The following GALNT11 variants were observed in gnomAD, a reference collection of about 807,000 sequenced individuals.
GALNT11 encodes the protein UDP-GalNAc:polypeptide N-acetylgalactosaminyltransferase 11.
Under a neutral mutation model 72.7 loss-of-function variants are expected in GALNT11, and 47 were observed. The ratio of observed to expected loss-of-function variants is 0.65; its 90% CI spans 0.51 to 0.82. The LOEUF is 0.82. Ranked by LOEUF, GALNT11 falls within the 40% of genes least tolerant of loss-of-function variation. The pLI, the probability that GALNT11 is intolerant of heterozygous loss-of-function variation, is 0.00. For missense variants in GALNT11, 677 were observed against 778.4 expected (o/e 0.87, Z 1.55); for synonymous variants, 270 against 286.6 (o/e 0.94, Z 0.58).
chr7:152,119,112 A>G (rs2089181775), intron 10 of GALNT11: 1 of 181,318 alleles, frequency 5.5e-6, no homozygotes, highest in Non-Finnish European at 1.1e-5. Flanking sequence ...GCTCGTCGTC[A>G]TAGAGCATTT....
Position 152,105,299 on chromosome 7 carries a change from T to C in GALNT11, c.641T>C (p.Ile214Thr). ...EYVQKYLPGKIKVIRNTKREG... is the reference protein window; with the variant it reads ...EYVQKYLPGKTKVIRNTKREG... Reference sequence around the variant, plus strand: ...GTCCAAAAATACCTCCCTGGAAAAATTAAAGTCATAAGAAATACAAAGCGT... The same window carrying C: ...GTCCAAAAATACCTCCCTGGAAAAACTAAAGTCATAAGAAATACAAAGCGT... The change falls in exon 5 of 12, where the codon ATT becomes ACT. Residue 214 changes from isoleucine (I) to threonine (T), a missense_variant. Coordinates refer to ENST00000430044, the MANE Select transcript of GALNT11 (RefSeq NM_022087.4). The C allele has an allele frequency of 3.1e-6, 5 of 1,613,886 alleles. No homozygotes were observed. Among genetic ancestry groups the C allele is most frequent in the Non-Finnish European group, 4.2e-6 (5 of 1,179,936 alleles).
At position 152,121,895 on chromosome 7, in the gene GALNT11, G is replaced by A. The variant is rs980027801; in HGVS notation, c.*218G>A. 1.4e-5 allele frequency: 7 copies of A among 488,160 alleles called. No individual in the cohort carries two copies. In the East Asian group the frequency reaches 2.0e-4, roughly 14 times the overall value. 30.2% of individuals were successfully genotyped at this position (488,160 alleles called of 1,614,324 possible). On this transcript the variant is annotated 3_prime_UTR_variant, in exon 12 of 12. Coordinates refer to ENST00000430044, the MANE Select transcript of GALNT11 (RefSeq NM_022087.4). ...CACGGGTGAAGAAGTGAGTGTCCAC[G>A]GGTGAAGAAGTGAGTATGTTTCACC...
chr7:152,105,317 C>A lies in GALNT11; in HGVS notation c.659C>A (p.Thr220Lys). Residue 220 changes from threonine to lysine, a missense_variant, in exon 5 of 12, where the codon ACA becomes AAA. Transcript: ENST00000430044. ...LPGKIKVIRN[T>K]KREGLIRGRM... Reference sequence around the variant, plus strand: ...GGAAAAATTAAAGTCATAAGAAATACAAAGCGTGAGGGGTTGATTCGAGGG... The same window carrying A: ...GGAAAAATTAAAGTCATAAGAAATAAAAAGCGTGAGGGGTTGATTCGAGGG... The A allele has an allele frequency of 6.2e-7, 1 of 1,613,924 alleles. No homozygotes were observed. The highest frequency in any genetic ancestry group is 8.5e-7 in the Non-Finnish European group (1 of 1,179,940).
chr7:152,057,260 C>G (rs1451465884), intron 1 of GALNT11, among the ~76,000 whole-genome samples: 1 of 150,724 alleles, frequency 6.6e-6, no homozygotes, highest in Non-Finnish European at 1.5e-5. Context: ...ACCTATAGCC[C>G]TGCCCTTCTT....
intron 1 of GALNT11, among the ~76,000 whole-genome samples, chr7:152,087,319 A>G (rs1247918709): frequency 6.6e-6 from 1 of 152,226 alleles, no homozygotes; most frequent in African/African-American, 2.4e-5. Context: ...CAAAGATTCA[A>G]TGGCAGTGAA....
chr7:152,053,979 C>G (rs564683354), intron 1 of GALNT11, among the ~76,000 whole-genome samples: 1 of 142,862 alleles, frequency 7.0e-6, no homozygotes, highest in South Asian at 2.1e-4. Flanking sequence ...CTTGTTTTTG[C>G]TAATTATATT....
In GALNT11 at chr7:152,108,047, T is replaced by G; in HGVS notation, c.722T>G (p.Leu241Arg). The G allele has an allele frequency of 6.2e-7, 1 of 1,608,868 alleles. No homozygotes were observed. Among genetic ancestry groups the G allele is most frequent in the Non-Finnish European group, 8.5e-7 (1 of 1,175,780 alleles). ...IGAAHATGEV[L>R]VFLDSHCEVN... Reference sequence around the variant, plus strand: ...GTTGTTTCCTCCCCAGGAGAAGTCCTTGTGTTCCTGGACAGCCACTGTGAA... The same window carrying G: ...GTTGTTTCCTCCCCAGGAGAAGTCCGTGTGTTCCTGGACAGCCACTGTGAA... Residue 241 changes from leucine (L) to arginine (R), a missense_variant, in exon 6 of 12, where the codon CTT (leucine) becomes CGT (arginine). Transcript: ENST00000430044.
At position 152,118,487 on chromosome 7, in the gene GALNT11, T is replaced by A. The variant is rs1377074153; in HGVS notation, c.1453-191T>A. ...AAACTGCTAATAACTTTTGGAGTTA[T>A]AACTTTTGTCTATCTTGATGCTCCT... On this transcript the variant is annotated intron_variant, in intron 9 of 11. Transcript: ENST00000430044. The A allele has an allele frequency of 5.7e-6, 3 of 523,754 alleles. No homozygotes were observed. The African/African-American group carries it at 6.0e-5, about 10-fold the overall frequency. The allele number at this position is 523,754 out of a possible 1,614,324, so 32.4% of individuals were successfully genotyped here.
intron 1 of GALNT11, among the ~76,000 whole-genome samples, chr7:152,069,430 A>G (rs2084498385): frequency 1.3e-5 from 2 of 152,210 alleles, no homozygotes; most frequent in Admixed American, 6.5e-5. Context: ...CATTTAGATC[A>G]GGTTGATTGA....
chr7:152,118,849 C>T (rs923404236), intron 10 of GALNT11, 67 bp downstream of exon 10: 2 of 1,275,992 alleles, frequency 1.6e-6, no homozygotes, highest in African/African-American at 3.0e-5. Flanking sequence ...GAAGCTGCTG[C>T]CAGTCACTCC....
chr7:152,070,366 C>T (rs1048861805), intron 1 of GALNT11, among the ~76,000 whole-genome samples: 2 of 152,098 alleles, frequency 1.3e-5, no homozygotes, highest in African/African-American at 4.8e-5. Context: ...TATGAGCTTC[C>T]TATTCTTACA....
chr7:152,070,229 C>G (rs563221600), intron 1 of GALNT11, among the ~76,000 whole-genome samples: 1 of 152,268 alleles, frequency 6.6e-6, no homozygotes, highest in Admixed American at 6.5e-5. Context: ...ATCTCCTGAC[C>G]TCATGATCCG....
intron 1 of GALNT11, chr7:152,027,525 A>T (rs1266735899): frequency 6.5e-6 from 1 of 153,146 alleles, no homozygotes; most frequent in Non-Finnish European, 1.5e-5. Flanking sequence ...TTTATGCCTA[A>T]ATGGCATCAG....
chr7:152,036,797 G>A (rs1201026114), intron 1 of GALNT11, among the ~76,000 whole-genome samples: 1 of 152,212 alleles, frequency 6.6e-6, no homozygotes, highest in Non-Finnish European at 1.5e-5. Context: ...GGGGTGAGAT[G>A]ATATCTCCTT....
At chr7:152,043,169 T>C (rs2082949414) in intron 1 of GALNT11, among the ~76,000 whole-genome samples, 2 of 152,216 alleles carry the variant, frequency 1.3e-5, no homozygotes, top group South Asian at 4.1e-4. Flanking sequence ...GGAACAGAAG[T>C]AGATGTAACA....
chr7:152,087,479 A>G (rs1254252261), intron 1 of GALNT11, among the ~76,000 whole-genome samples: 1 of 152,188 alleles, frequency 6.6e-6, no homozygotes. Context: ...AGGTGGTGGG[A>G]AAAGTGCTCA....
intron 5 of GALNT11, 149 bp downstream of exon 5, chr7:152,105,519 A>G: frequency 4.0e-6 from 5 of 1,235,024 alleles, no homozygotes; most frequent in Non-Finnish European, 5.5e-6. Flanking sequence ...TGTTTGGGAA[A>G]GACCTGTTCA....
chr7:152,078,623 T>A (rs2129017283), intron 1 of GALNT11, among the ~76,000 whole-genome samples: 1 of 152,366 alleles, frequency 6.6e-6, no homozygotes, highest in South Asian at 2.1e-4. Flanking sequence ...CACTTCTAAG[T>A]AATATGCAAA....
In GALNT11 at chr7:152,084,783, C is replaced by T. The variant is rs187526910; in HGVS notation, c.-38-9407C>T. Among the ~76,000 whole-genome samples the T allele has an allele frequency of 1.6e-4, 25 of 152,196 alleles. No homozygotes were observed. The East Asian group carries it at 4.2e-3, about 26-fold the overall frequency. On this transcript the variant is annotated intron_variant, in intron 1 of 11. Coordinates refer to ENST00000430044, the MANE Select transcript of GALNT11 (RefSeq NM_022087.4). ...GTATGTATTAATTGTTAATACTAAG[C>T]GCTATGCTAAATATATGGGGCTGAA...
Sources: gnomAD v4.1 joint callset for allele counts (sites outside exome capture counted in the v4.1 genomes callset) on GRCh38, gnomAD v4.1.1 for gene constraint, MANE v1.5 for transcripts, NCBI Gene and HGNC (gene_info 2026-07-23, HGNC 2026-07-21) for gene names.